The following DPP10 variants were observed in gnomAD, a reference collection of about 807,000 sequenced individuals.
DPP10 encodes inactive dipeptidyl peptidase 10.
Under a neutral mutation model 120.9 loss-of-function variants are expected in DPP10, and 33 were observed. That is an observed-to-expected ratio of 0.27 (90% CI 0.21 to 0.37). DPP10 has a LOEUF of 0.37. Among genes scored for constraint, DPP10 ranks in the 10% least tolerant of loss-of-function variants. The probability of loss-of-function intolerance (pLI) is 1.00; values close to 1 mark genes in which losing one functional copy is unlikely to be tolerated. For missense variants in DPP10, 816 were observed against 942.8 expected (o/e 0.87, Z 1.76); for synonymous variants, 337 against 326.1 (o/e 1.03, Z -0.36).
intron 1 of DPP10, among the ~76,000 whole-genome samples, chr2:114,613,283 T>C (rs1039889890): frequency 6.6e-6 from 1 of 152,102 alleles, no homozygotes; most frequent in Admixed American, 6.6e-5. Context: ...ATTAAGTTAA[T>C]GGGGAAGATA....
At chr2:114,542,135 C>T (rs1687011456) in intron 1 of DPP10, among the ~76,000 whole-genome samples, 1 of 149,914 alleles carries the variant, frequency 6.7e-6, no homozygotes, top group Non-Finnish European at 1.5e-5. Context: ...GCAACCTCCA[C>T]TTCCCGGGTT....
rs988416652 is a variant in DPP10 at position 115,412,682 on chromosome 2, A to G, written c.271+68770A>G. The stretch of plus-strand genomic sequence containing the variant: ...GACTAAGTTATTTCTGATCTACTCA[A>G]TGGAGTGTATGTATTTAGGATTATT... On this transcript the variant is annotated intron_variant, in intron 3 of 25. Coordinates refer to ENST00000410059, the MANE Select transcript of DPP10 (RefSeq NM_020868.6). Among the ~76,000 whole-genome samples the G allele has an allele frequency of 2.0e-5, 3 of 152,184 alleles. 1 individual carries two copies. Among genetic ancestry groups the G allele is most frequent in the Admixed American group, 2.0e-4 (3 of 15,274 alleles).
At chr2:115,540,754 C>T (rs938726930) in intron 5 of DPP10, among the ~76,000 whole-genome samples, 1 of 151,826 alleles carries the variant, frequency 6.6e-6, no homozygotes, top group Non-Finnish European at 1.5e-5. Flanking sequence ...AATACAAAAA[C>T]ATTAGCAATT....
rs148270535 is a variant in DPP10 at position 115,561,135 on chromosome 2, G to A, written c.441+35163G>A. 2.3e-3 allele frequency among the ~76,000 whole-genome samples: 344 copies of A among 152,170 alleles called. 1 individual carries two copies. Among genetic ancestry groups the A allele is most frequent in the African/African-American group, 8.1e-3 (336 of 41,544 alleles). ...AGGCCAAGGCGGGTGGATTGTCTGA[G>A]CTCAGGAGTTCGAGACCAGCCTGGG... On this transcript the variant is annotated intron_variant, in intron 5 of 25. Transcript: ENST00000410059.
chr2:115,585,977 C>G (rs114264298), intron 5 of DPP10, among the ~76,000 whole-genome samples: 250 of 152,230 alleles, frequency 1.6e-3, no homozygotes, highest in African/African-American at 5.9e-3. Context: ...GTTTATGTAA[C>G]TTGTCCTTTT....
chr2:114,649,458 C>T (rs1417324346), intron 1 of DPP10, among the ~76,000 whole-genome samples: 2 of 151,908 alleles, frequency 1.3e-5, no homozygotes, highest in Non-Finnish European at 2.9e-5. Context: ...ACGCCATTCT[C>T]CTGCCTGATT....
At chr2:114,823,189 G>A (rs1265513400) in intron 1 of DPP10, among the ~76,000 whole-genome samples, 1 of 152,186 alleles carries the variant, frequency 6.6e-6, no homozygotes, top group African/African-American at 2.4e-5. Flanking sequence ...CAGCATGGCT[G>A]GGGAGGCCTC....
chr2:115,573,369 G>T (rs952994455), intron 5 of DPP10, among the ~76,000 whole-genome samples: 2 of 140,430 alleles, frequency 1.4e-5, no homozygotes, highest in East Asian at 4.4e-4. Context: ...TGCAAGTTCC[G>T]CCTCCCGGGT....
chr2:115,063,162 T>C (rs1706555718), intron 1 of DPP10, among the ~76,000 whole-genome samples: 1 of 152,212 alleles, frequency 6.6e-6, no homozygotes, highest in South Asian at 2.1e-4. Flanking sequence ...CTTTTCTTCA[T>C]ATGTTTGTTG....
rs1030799364 is a variant in DPP10, at chr2:114,630,381, A to G, written c.60+187543A>G. Among the ~76,000 whole-genome samples the G allele has an allele frequency of 1.2e-4, 19 of 152,306 alleles. 1 individual carries two copies. Among genetic ancestry groups the G allele is most frequent in the African/African-American group, 3.4e-4 (14 of 41,556 alleles). Reference sequence around the variant, plus strand: ...GTCCAGTTCAGGATAATACTAATAAACTAAAATAATTCCAACGTTATAGGA... The same window carrying G: ...GTCCAGTTCAGGATAATACTAATAAGCTAAAATAATTCCAACGTTATAGGA... On this transcript the variant is annotated intron_variant, in intron 1 of 25. Coordinates refer to ENST00000410059, the MANE Select transcript of DPP10 (RefSeq NM_020868.6).
intron 1 of DPP10, among the ~76,000 whole-genome samples, chr2:115,288,657 G>A (rs1336906939): frequency 6.6e-6 from 1 of 152,024 alleles, no homozygotes; most frequent in East Asian, 1.9e-4. Context: ...CAGGAAACGA[G>A]GTTGCAGTGA....
At chr2:114,958,624 T>C (rs1389343475) in intron 1 of DPP10, among the ~76,000 whole-genome samples, 1 of 152,198 alleles carries the variant, frequency 6.6e-6, no homozygotes, top group Non-Finnish European at 1.5e-5. Context: ...TATTGACACA[T>C]CATATTGTAC....
In DPP10 at chr2:115,815,128, ATT is replaced by A. The variant is rs201073818; in HGVS notation, c.1895+150_1895+151del. 3,859 of 731,044 alleles carry A rather than the reference ATT, an allele frequency of 5.3e-3. 115 individuals are homozygous for A. The African/African-American group carries it at 0.06, about 11-fold the overall frequency. 45.3% of individuals were successfully genotyped at this position (731,044 alleles called of 1,614,324 possible). On this transcript the variant is annotated intron_variant, in intron 20 of 25. Coordinates refer to ENST00000410059, the MANE Select transcript of DPP10 (RefSeq NM_020868.6). ...GTAAGTTAATCATAAAGCCTATTTC[ATT>A]TTTTTTTTGAAGTACCTGTCACCCT...
intron 1 of DPP10, among the ~76,000 whole-genome samples, chr2:114,514,461 T>A (rs1337623768): frequency 6.6e-6 from 1 of 152,180 alleles, no homozygotes; most frequent in East Asian, 1.9e-4. Flanking sequence ...TTTTAGCATC[T>A]ACAAAAATTC....
intron 1 of DPP10, among the ~76,000 whole-genome samples, chr2:114,478,062 T>C (rs1266149523): frequency 6.6e-6 from 1 of 151,926 alleles, no homozygotes; most frequent in African/African-American, 2.4e-5. Context: ...CAGCTAAAAA[T>C]ACTGCTGCTA....
chr2:114,542,790 C>T (rs1008867574), intron 1 of DPP10, among the ~76,000 whole-genome samples: 1 of 152,166 alleles, frequency 6.6e-6, no homozygotes, highest in South Asian at 2.1e-4. Context: ...TCTCATGACT[C>T]ATTATTGCAC....
At chr2:114,668,208 T>G (rs1047534602) in intron 1 of DPP10, among the ~76,000 whole-genome samples, 1 of 152,146 alleles carries the variant, frequency 6.6e-6, no homozygotes, top group Non-Finnish European at 1.5e-5. Context: ...GTGGTGTGAT[T>G]CAGCCTGAGC....
intron 21 of DPP10, among the ~76,000 whole-genome samples, chr2:115,825,190 G>A (rs917657281): frequency 2.6e-5 from 4 of 152,140 alleles, no homozygotes; most frequent in African/African-American, 9.7e-5. Flanking sequence ...TTATAAGCAT[G>A]CATTCCACCT....
intron 1 of DPP10, among the ~76,000 whole-genome samples, chr2:114,605,556 G>T (rs1447200864): frequency 6.6e-6 from 1 of 152,076 alleles, no homozygotes; most frequent in Non-Finnish European, 1.5e-5. Flanking sequence ...GACTGTTTAT[G>T]TTATTGATAA....
Sources: gnomAD v4.1 joint callset for allele counts (sites outside exome capture counted in the v4.1 genomes callset) on GRCh38, gnomAD v4.1.1 for gene constraint, MANE v1.5 for transcripts, NCBI Gene and HGNC (gene_info 2026-07-23, HGNC 2026-07-21) for gene names.